The following EVI5 variants were observed in gnomAD, a reference collection of about 807,000 sequenced individuals.
EVI5 encodes the protein ecotropic viral integration site 5 protein homolog.
In EVI5, 73 loss-of-function variants were observed where a neutral mutation model predicts 112.0. The observed-to-expected ratio is 0.65, with a 90% CI of 0.54 to 0.79. EVI5 has a LOEUF of 0.79. Ranked by LOEUF, EVI5 falls within the 30% of genes least tolerant of loss-of-function variation. EVI5 has a pLI of 0.00. For synonymous variants in EVI5, 305 were observed against 319.9 expected (o/e 0.95, Z 0.50); for missense variants, 900 against 968.8 (o/e 0.93, Z 0.94).
chr1:92,514,726 T>C (rs977803080), intron 19 of EVI5, among the ~76,000 whole-genome samples: 10 of 152,196 alleles, frequency 6.6e-5, no homozygotes, highest in African/African-American at 1.4e-4. Context: ...CTGGATAATT[T>C]TGAGGTAAAC....
intron 5 of EVI5, among the ~76,000 whole-genome samples, chr1:92,701,206 T>C (rs1671101205): frequency 6.6e-6 from 1 of 152,180 alleles, no homozygotes. Context: ...AAGCAAAGCA[T>C]CAGGAAACGG....
At chr1:92,551,081 T>C (rs1303645673) in intron 19 of EVI5, among the ~76,000 whole-genome samples, 1 of 137,914 alleles carries the variant, frequency 7.3e-6, no homozygotes, top group Non-Finnish European at 1.5e-5. Flanking sequence ...CTCATTCTGC[T>C]ACCCAGGCTG....
At chr1:92,518,279 CA>C (rs1463253277) in intron 19 of EVI5, among the ~76,000 whole-genome samples, 1 of 152,022 alleles carries the variant, frequency 6.6e-6, no homozygotes, top group Non-Finnish European at 1.5e-5. Context: ...TGAGCAACAA[CA>C]AAAATTTTTT....
At chr1:92,640,068 A>C (rs1001393670) in intron 13 of EVI5, among the ~76,000 whole-genome samples, 1 of 152,220 alleles carries the variant, frequency 6.6e-6, no homozygotes, top group African/African-American at 2.4e-5. Flanking sequence ...ATATGCAGCA[A>C]ACTGAAACCG....
At chr1:92,596,507 C>A (rs1314057956) in intron 18 of EVI5, among the ~76,000 whole-genome samples, 1 of 152,182 alleles carries the variant, frequency 6.6e-6, no homozygotes, top group South Asian at 2.1e-4. Context: ...GCTATTATTA[C>A]TCTTATTATT....
At chr1:92,681,475 A>G (rs1183886469) in intron 9 of EVI5, among the ~76,000 whole-genome samples, 1 of 152,166 alleles carries the variant, frequency 6.6e-6, no homozygotes, top group African/African-American at 2.4e-5. Context: ...AAATTCATCA[A>G]AAAAAAGTCA....
intron 19 of EVI5, among the ~76,000 whole-genome samples, chr1:92,537,122 A>G (rs893942668): frequency 1.3e-5 from 2 of 152,172 alleles, no homozygotes; most frequent in Non-Finnish European, 2.9e-5. Context: ...TCCACAACAA[A>G]GTGGAAAAAA....
chr1:92,549,828 T>A (rs1479609680), intron 19 of EVI5, among the ~76,000 whole-genome samples: 1 of 152,134 alleles, frequency 6.6e-6, no homozygotes, highest in East Asian at 1.9e-4. Flanking sequence ...AGAATGGTGA[T>A]CATTAAAAAG....
At chr1:92,517,885 CTTT>C (rs35504849) in intron 19 of EVI5, among the ~76,000 whole-genome samples, 5 of 102,246 alleles carry the variant, frequency 4.9e-5, no homozygotes, top group African/African-American at 7.9e-5. Context: ...ATATTATATG[CTTT>C]TTTTTTTTTT....
intron 9 of EVI5, among the ~76,000 whole-genome samples, chr1:92,678,209 G>T (rs1311060466): frequency 2.0e-5 from 3 of 151,996 alleles, no homozygotes; most frequent in Non-Finnish European, 2.9e-5. Context: ...TTAAAATAAA[G>T]GTCAAAATTA....
At chr1:92,528,801 G>C (rs1177987671) in intron 19 of EVI5, among the ~76,000 whole-genome samples, 1 of 152,136 alleles carries the variant, frequency 6.6e-6, no homozygotes, top group Non-Finnish European at 1.5e-5. Context: ...AGTGTGGGAG[G>C]AGTAACGAGG....
chr1:92,755,803 A>C (rs1680871045), intron 1 of EVI5: 1 of 154,720 alleles, frequency 6.5e-6, no homozygotes, highest in Non-Finnish European at 1.4e-5. Context: ...CATGCACCTC[A>C]GGGTCCCAGG....
intron 6 of EVI5, among the ~76,000 whole-genome samples, chr1:92,696,527 T>C (rs1670344939): frequency 6.6e-6 from 1 of 151,712 alleles, no homozygotes; most frequent in Non-Finnish European, 1.5e-5. Context: ...GTTTCAGCTA[T>C]CCAGGAGGCT....
rs549349960 is a variant in EVI5 at position 92,553,232 on chromosome 1, G to A, written c.2166+10410C>T. 2.7e-5 allele frequency among the ~76,000 whole-genome samples: 4 copies of A among 150,540 alleles called. No homozygotes were observed. In the Admixed American group the frequency reaches 2.7e-4, roughly 10 times the overall value. On this transcript the variant is annotated intron_variant, in intron 19 of 19. Transcript: ENST00000684568. ...TGCAACCTCTGCCTCCCAGGCTCAA[G>A]AGATCTTCCCATCTCAGCCTCCCAA...
intron 18 of EVI5, among the ~76,000 whole-genome samples, chr1:92,597,895 C>A (rs1251651288): frequency 6.6e-6 from 1 of 152,146 alleles, no homozygotes; most frequent in Non-Finnish European, 1.5e-5. Flanking sequence ...TCCATCTCTA[C>A]ACAAAATATA....
At chr1:92,772,815 A>G (rs1301629870) in intron 1 of EVI5, among the ~76,000 whole-genome samples, 1 of 150,870 alleles carries the variant, frequency 6.6e-6, no homozygotes, top group African/African-American at 2.4e-5. Flanking sequence ...CTGAGGCAGG[A>G]GAATCACTTG....
intron 2 of EVI5, chr1:92,733,009 T>C (rs1676739391): frequency 6.5e-6 from 1 of 154,602 alleles, no homozygotes; most frequent in African/African-American, 2.4e-5. Context: ...GACCAGGAGT[T>C]TGAGACCAGC....
At chr1:92,524,559 C>G (rs934591901) in intron 19 of EVI5, among the ~76,000 whole-genome samples, 26 of 152,264 alleles carry the variant, frequency 1.7e-4, no homozygotes, top group African/African-American at 6.0e-4. Context: ...CAAGTCTAGG[C>G]CCATTAAGGT....
intron 16 of EVI5, among the ~76,000 whole-genome samples, chr1:92,620,639 A>T (rs918401850): frequency 3.9e-5 from 6 of 152,160 alleles, no homozygotes. Context: ...AAAGAAAAAA[A>T]CTGTCAAGGC....
Sources: gnomAD v4.1 joint callset for allele counts (sites outside exome capture counted in the v4.1 genomes callset) on GRCh38, gnomAD v4.1.1 for gene constraint, MANE v1.5 for transcripts, NCBI Gene and HGNC (gene_info 2026-07-23, HGNC 2026-07-21) for gene names.